Variants in KCTD2 observed in about 807,000 individuals in gnomAD.
KCTD2 encodes BTB/POZ domain-containing protein KCTD2.
In KCTD2, 18 loss-of-function variants were observed where a neutral mutation model predicts 27.9. The observed-to-expected ratio is 0.64, with a 90% CI of 0.45 to 0.96. The LOEUF (loss-of-function observed/expected upper bound fraction) is 0.96. Ranked by LOEUF, KCTD2 falls within the 40% of genes least tolerant of loss-of-function variation. The probability of loss-of-function intolerance (pLI) is 0.00; values close to 1 mark genes in which losing one functional copy is unlikely to be tolerated. For synonymous variants in KCTD2, 175 were observed against 148.4 expected, an observed-to-expected ratio of 1.18 and a Z score of -1.30; for missense variants, 280 against 348.0, an observed-to-expected ratio of 0.80 and a Z score of 1.56.
chr17:75,046,459 A>G (rs998762969), upstream of KCTD2, among the ~76,000 whole-genome samples: 6 of 152,230 alleles, frequency 3.9e-5, no homozygotes, highest in African/African-American at 1.2e-4. Context: ...GAGGTGCTCA[A>G]TGAATCTTTC....
At chr17:75,033,751 G>A (rs951991034) in intron 1 of KCTD2, among the ~76,000 whole-genome samples, 2 of 152,216 alleles carry the variant, frequency 1.3e-5, no homozygotes, top group Admixed American at 6.5e-5. Flanking sequence ...GATGGGGGCA[G>A]GTCCCTGCGC....
At position 75,064,592 on chromosome 17, in the gene KCTD2, C is replaced by G. The variant is rs1453914779; in HGVS notation, c.*1545C>G. 1 of 147,286 alleles carries G rather than the reference C, an allele frequency of 6.8e-6. No homozygotes were observed. Among genetic ancestry groups the G allele is most frequent in the African/African-American group, 2.4e-5 (1 of 41,098 alleles). The allele number at this position is 147,286 out of a possible 1,614,324, so 9.1% of individuals were successfully genotyped here. A position where few individuals can be genotyped will look rare whatever the true frequency, so the allele number is the denominator to read the frequency against. On this transcript the variant is annotated 3_prime_UTR_variant, in exon 6 of 6. Transcript: ENST00000322444. ...ATAACTTTTCCCTAGGACCCTCAGT[C>G]TCCTTGTTTCTCTGTATCTGTAGCA...
chr17:75,051,768 A>G (rs2073290866), intron 2 of KCTD2, among the ~76,000 whole-genome samples: 2 of 152,152 alleles, frequency 1.3e-5, no homozygotes, highest in Admixed American at 1.3e-4. Flanking sequence ...AACCACAGAC[A>G]GTACAGTTAT....
At chr17:75,053,997 C>T (rs748129589) in intron 3 of KCTD2, among the ~76,000 whole-genome samples, 7 of 150,114 alleles carry the variant, frequency 4.7e-5, no homozygotes, top group Non-Finnish European at 1.0e-4. Flanking sequence ...TATCAAGCTG[C>T]TCTTTATGAT....
intron 3 of KCTD2, among the ~76,000 whole-genome samples, chr17:75,058,487 G>C (rs2073371934): frequency 6.6e-6 from 1 of 151,240 alleles, no homozygotes; most frequent in African/African-American, 2.4e-5. Flanking sequence ...CTGGGCAACA[G>C]AGCGAGACTC....
intron 3 of KCTD2, 87 bp downstream of exon 3, chr17:75,053,192 T>A (rs2073309363): frequency 9.8e-7 from 1 of 1,019,070 alleles, no homozygotes; most frequent in African/African-American, 1.6e-5. Context: ...CCTTTACCCT[T>A]AGAGCTGGAG....
chr17:75,062,049 G>A, intron 4 of KCTD2, 71 bp from the exon 5 acceptor site: 3 of 1,570,110 alleles, frequency 1.9e-6, no homozygotes, highest in Non-Finnish European at 2.6e-6. Flanking sequence ...GAAGAGGGGT[G>A]ATTTGTGTAG....
chr17:75,036,493 A>G (rs999585594), intron 3 of KCTD2, among the ~76,000 whole-genome samples: 3 of 152,224 alleles, frequency 2.0e-5, no homozygotes, highest in Admixed American at 1.3e-4. Context: ...GGGCATAAAA[A>G]ATAAAAGTAC....
intron 2 of KCTD2, among the ~76,000 whole-genome samples, chr17:75,051,219 C>T (rs936634316): frequency 1.3e-5 from 2 of 150,396 alleles, no homozygotes; most frequent in East Asian, 3.9e-4. Flanking sequence ...ACCTTGTGAT[C>T]TGCCTGCCTC....
Position 75,047,274 on chromosome 17 carries a change from G to T in KCTD2, c.24G>T (p.Pro8=). The T allele has an allele frequency of 9.1e-7, 1 of 1,093,342 alleles. No individual in the cohort carries two copies. The highest frequency in any genetic ancestry group is 1.1e-6 in the Non-Finnish European group (1 of 870,550). The allele number at this position is 1,093,342 out of a possible 1,614,324, so 67.7% of individuals were successfully genotyped here. A position where few individuals can be genotyped will look rare whatever the true frequency, so the allele number is the denominator to read the frequency against. The change falls in exon 1 of 6, where the codon CCG becomes CCT. Residue 8 remains proline (P), a synonymous_variant. Coordinates refer to ENST00000322444, the MANE Select transcript of KCTD2 (RefSeq NM_015353.3). Reference sequence around the variant, plus strand: ...AGATGGCGGAACTGCAGCTGGACCCGGCGATGGCGGGGCTGGGAGGGGGCG... The same window carrying T: ...AGATGGCGGAACTGCAGCTGGACCCTGCGATGGCGGGGCTGGGAGGGGGCG... MAELQLD[P]AMAGLGGGGG... is the part of the protein sequence containing the mutation.
In KCTD2 at chr17:75,034,949, C is replaced by G. The variant is rs117369617; in HGVS notation, c.-384-283C>G. 1.4e-4 allele frequency among the ~76,000 whole-genome samples: 21 copies of G among 152,202 alleles called. No homozygotes were observed. The East Asian group carries it at 3.7e-3, about 27-fold the overall frequency. On this transcript the variant is annotated intron_variant, in intron 2 of 7. Coordinates refer to the KCTD2 transcript ENST00000581589. ...TTCCCAGGGAGGCTCAGAGACTAGT[C>G]CAGGTGCCGCTCCGCTCGGGGGTGA...
At chr17:75,060,312 A>G (rs1004021270) in intron 4 of KCTD2, among the ~76,000 whole-genome samples, 4 of 151,990 alleles carry the variant, frequency 2.6e-5, no homozygotes, top group Non-Finnish European at 5.9e-5. Context: ...ACATTGCTAC[A>G]TCACTAACTT....
chr17:75,037,345 GA>G (rs56310455), intron 3 of KCTD2, among the ~76,000 whole-genome samples: 16,109 of 84,592 alleles, frequency 0.19, 1,291 homozygotes, highest in East Asian at 0.59. Context: ...TTCCATATCA[GA>G]AAAAAAAAAA....
At chr17:75,053,707 T>C (rs988466145) in intron 3 of KCTD2, among the ~76,000 whole-genome samples, 1 of 152,030 alleles carries the variant, frequency 6.6e-6, no homozygotes, top group Admixed American at 6.6e-5. Context: ...CCTCCCAAAG[T>C]GCTGGGATTA....
chr17:75,035,575 C>T (rs2040108218), intron 3 of KCTD2, among the ~76,000 whole-genome samples: 2 of 138,676 alleles, frequency 1.4e-5, no homozygotes, highest in African/African-American at 3.0e-5. Context: ...AATCCCAACA[C>T]TTTGGGAGGC....
rs1035375042 is a variant in KCTD2 at position 75,032,894 on chromosome 17, G to C, written c.-470+170G>C. On this transcript the variant is annotated intron_variant, in intron 1 of 7. Transcript: ENST00000581589. The surrounding 1 kb of genome is among the most constrained non-coding windows in gnomAD (Gnocchi z 4.8). ...GGGGCATCCTCAAGGCAGTAAACTG[G>C]AGCCAAGTGGGTTAAATCCTTCTTG... 1 of 152,262 alleles carries C rather than the reference G, an allele frequency of 6.6e-6. No homozygotes were observed. The highest frequency in any genetic ancestry group is 1.5e-5 in the Non-Finnish European group (1 of 68,060). 9.4% of individuals were successfully genotyped at this position (152,262 alleles called of 1,614,324 possible). A position where few individuals can be genotyped will look rare whatever the true frequency, so the allele number is the denominator to read the frequency against.
At chr17:75,035,820 G>A (rs1336062080) in intron 3 of KCTD2, among the ~76,000 whole-genome samples, 1 of 152,004 alleles carries the variant, frequency 6.6e-6, no homozygotes, top group Non-Finnish European at 1.5e-5. Context: ...GCAACAGAGC[G>A]AAAGCCGTCT....
intron 3 of KCTD2, among the ~76,000 whole-genome samples, chr17:75,038,492 G>C (rs2073125827): frequency 1.3e-5 from 2 of 152,220 alleles, no homozygotes; most frequent in Non-Finnish European, 2.9e-5. Context: ...CTGAAGCACA[G>C]AGAAGTAAAT....
upstream of KCTD2, among the ~76,000 whole-genome samples, chr17:75,046,040 G>A (rs2073212186): frequency 1.3e-5 from 2 of 152,232 alleles, no homozygotes; most frequent in Admixed American, 1.3e-4. Flanking sequence ...TGGGGTCCCT[G>A]ATTTCCCGCA....
Sources: allele counts gnomAD v4.1 joint callset (sites outside exome capture counted in the v4.1 genomes callset), GRCh38; gene constraint gnomAD v4.1.1; non-coding constraint Gnocchi (gnomAD v3.1); transcripts MANE v1.5; gene names NCBI Gene and HGNC (gene_info 2026-07-23, HGNC 2026-07-21).